The following MACROD2 variants were observed in gnomAD, a reference collection of about 807,000 sequenced individuals.
The protein encoded by MACROD2 is ADP-ribose glycohydrolase MACROD2.
MACROD2 carries 36 observed loss-of-function variants against 70.4 expected under a neutral mutation model. The ratio of observed to expected loss-of-function variants is 0.51; its 90% CI spans 0.39 to 0.68. MACROD2 has a LOEUF of 0.68. Among genes scored for constraint, MACROD2 ranks in the 30% least tolerant of loss-of-function variants. The probability of loss-of-function intolerance (pLI) is 0.00; values close to 1 mark genes in which losing one functional copy is unlikely to be tolerated. For synonymous variants in MACROD2, 172 were observed against 178.8 expected (o/e 0.96, Z 0.30); for missense variants, 496 against 538.4 (o/e 0.92, Z 0.78).
At chr20:15,153,230 C>T (rs1284751475) in intron 5 of MACROD2, among the ~76,000 whole-genome samples, 4 of 151,952 alleles carry the variant, frequency 2.6e-5, no homozygotes, top group East Asian at 1.9e-4. Flanking sequence ...TGGGTGCAGG[C>T]GGGCTGAGTC....
chr20:15,613,503 A>G (rs1420605570), intron 8 of MACROD2, among the ~76,000 whole-genome samples: 2 of 152,238 alleles, frequency 1.3e-5, no homozygotes, highest in Non-Finnish European at 2.9e-5. Context: ...ATTTTAATTG[A>G]AACAAGAAGG....
chr20:14,660,968 G>A (rs941992838), intron 4 of MACROD2, among the ~76,000 whole-genome samples: 7 of 152,048 alleles, frequency 4.6e-5, no homozygotes, highest in African/African-American at 1.7e-4. Flanking sequence ...TGGGCACTGG[G>A]TTGATTCTGT....
At chr20:15,091,655 G>T (rs2075794055) in intron 5 of MACROD2, among the ~76,000 whole-genome samples, 1 of 152,114 alleles carries the variant, frequency 6.6e-6, no homozygotes, top group African/African-American at 2.4e-5. Flanking sequence ...TCTTACCACA[G>T]TAGTTGTTTT....
At chr20:15,822,167 G>A (rs2063945537) in intron 8 of MACROD2, among the ~76,000 whole-genome samples, 1 of 152,130 alleles carries the variant, frequency 6.6e-6, no homozygotes. Flanking sequence ...TGGTCAATTG[G>A]CCATTATAAT....
At chr20:15,417,354 G>T (rs994162202) in intron 6 of MACROD2, among the ~76,000 whole-genome samples, 1 of 151,494 alleles carries the variant, frequency 6.6e-6, no homozygotes, top group African/African-American at 2.4e-5. Context: ...ACTTTGGAAG[G>T]CCGAGGCAGG....
chr20:15,809,468 G>A (rs1261784405), intron 8 of MACROD2, among the ~76,000 whole-genome samples: 3 of 152,226 alleles, frequency 2.0e-5, no homozygotes, highest in Non-Finnish European at 4.4e-5. Context: ...AGGACCTCAG[G>A]CTGCTTCTAC....
chr20:14,678,224 G>T (rs11087101), intron 4 of MACROD2, among the ~76,000 whole-genome samples: 31,104 of 151,970 alleles, frequency 0.2, 3,515 homozygotes, highest in Non-Finnish European at 0.25. Context: ...ACCTTGTGCA[G>T]GATTTTTATG....
At chr20:15,453,804 G>A (rs1249686653) in intron 7 of MACROD2, among the ~76,000 whole-genome samples, 1 of 152,140 alleles carries the variant, frequency 6.6e-6, no homozygotes, top group Non-Finnish European at 1.5e-5. Context: ...AGCCTACCCA[G>A]CAAGTGTCTG....
intron 8 of MACROD2, among the ~76,000 whole-genome samples, chr20:15,616,425 A>T: frequency 6.6e-6 from 1 of 152,060 alleles, no homozygotes; most frequent in East Asian, 1.9e-4. Flanking sequence ...CTTTATGATA[A>T]CGTACAGTCA....
chr20:15,634,519 C>T (rs2049336231), intron 8 of MACROD2, among the ~76,000 whole-genome samples: 2 of 152,174 alleles, frequency 1.3e-5, no homozygotes, highest in South Asian at 4.1e-4. Context: ...TCCCATGTGG[C>T]CTAATTAGTG....
chr20:14,547,228 T>C (rs996568403), intron 4 of MACROD2: 2 of 584,544 alleles, frequency 3.4e-6, no homozygotes, highest in Non-Finnish European at 4.8e-6. Context: ...ATCAACTGGC[T>C]CCATGCAGGA....
chr20:14,127,345 G>A (rs746671298), intron 3 of MACROD2: 2 of 340,630 alleles, frequency 5.9e-6, no homozygotes, highest in Non-Finnish European at 5.5e-6. Flanking sequence ...TAGTGTGCAG[G>A]TAGCTGTCCC....
At chr20:14,843,163 C>CTTT (rs11389584) in intron 5 of MACROD2, among the ~76,000 whole-genome samples, 2,572 of 119,198 alleles carry the variant, frequency 0.022, 141 homozygotes, top group African/African-American at 0.074. Flanking sequence ...TGTTCATTAA[C>CTTT]TTTTTTTTTT....
intron 15 of MACROD2, among the ~76,000 whole-genome samples, chr20:16,027,798 G>A (rs1369861218): frequency 6.6e-6 from 1 of 152,280 alleles, no homozygotes; most frequent in East Asian, 1.9e-4. Flanking sequence ...AAAGGTGCAT[G>A]ATGGGGTGGA....
intron 3 of MACROD2, among the ~76,000 whole-genome samples, chr20:14,404,375 C>A (rs1240470268): frequency 6.6e-6 from 1 of 151,996 alleles, no homozygotes; most frequent in Non-Finnish European, 1.5e-5. Context: ...GGCTGTAATC[C>A]CAGCACTTTG....
chr20:15,266,002 G>A (rs1211812576), intron 6 of MACROD2, among the ~76,000 whole-genome samples: 5 of 152,186 alleles, frequency 3.3e-5, no homozygotes, highest in African/African-American at 9.7e-5. Flanking sequence ...ACAATGAAGG[G>A]AAACCACAGG....
At chr20:15,171,105 G>A (rs956466295) in intron 5 of MACROD2, among the ~76,000 whole-genome samples, 9 of 152,280 alleles carry the variant, frequency 5.9e-5, no homozygotes, top group Non-Finnish European at 5.9e-5. Flanking sequence ...GGGACCTAGC[G>A]TGGAGGAGGA....
intron 4 of MACROD2, among the ~76,000 whole-genome samples, chr20:14,662,447 G>T (rs144196684): frequency 5.9e-4 from 90 of 151,554 alleles, no homozygotes; most frequent in Middle Eastern, 3.4e-3. Flanking sequence ...TTATGACGAA[G>T]ACATCAAAAG....
chr20:14,342,203 C>T (rs73092423), intron 3 of MACROD2, among the ~76,000 whole-genome samples: 2 of 152,134 alleles, frequency 1.3e-5, no homozygotes, highest in African/African-American at 4.8e-5. Context: ...GAGGACAGGG[C>T]ATGATCCAAA....
Sources: allele counts gnomAD v4.1 joint callset (sites outside exome capture counted in the v4.1 genomes callset), GRCh38; gene constraint gnomAD v4.1.1; transcripts MANE v1.5; gene names NCBI Gene and HGNC (gene_info 2026-07-23, HGNC 2026-07-21).